Variants in DKK2 observed in about 807,000 individuals in gnomAD.
DKK2 encodes dickkopf Wnt signaling pathway inhibitor 2, also known as dickkopf-related protein 2.
Under a neutral mutation model 28.1 loss-of-function variants are expected in DKK2, and 11 were observed. The observed-to-expected ratio is 0.39, with a 90% CI of 0.25 to 0.65. The LOEUF is 0.65. Ranked by LOEUF, DKK2 falls within the 30% of genes least tolerant of loss-of-function variation. DKK2 has a pLI of 0.47. For synonymous variants in DKK2, 135 were observed against 126.5 expected, an observed-to-expected ratio of 1.07 and a Z score of -0.45; for missense variants, 326 against 335.5, an observed-to-expected ratio of 0.97 and a Z score of 0.22.
chr4:106,938,150 A>G lies in DKK2; in HGVS notation c.223-12201T>C, dbSNP rs1402632769. Reference sequence around the variant, plus strand: ...GAACTGAAGGAAATAGAGACACAAAAAACCCTTCAAAAAATTAATGAATCC... The same window carrying G: ...GAACTGAAGGAAATAGAGACACAAAGAACCCTTCAAAAAATTAATGAATCC... On this transcript the variant is annotated intron_variant, in intron 1 of 3. Transcript: ENST00000285311. Among the ~76,000 whole-genome samples, 160 of 148,420 alleles carry G rather than the reference A, an allele frequency of 1.1e-3. 1 individual carries two copies. Among genetic ancestry groups the G allele is most frequent in the Non-Finnish European group, 1.9e-3 (125 of 66,990 alleles).
At chr4:106,956,027 T>C (rs982800023) in intron 1 of DKK2, among the ~76,000 whole-genome samples, 1 of 152,142 alleles carries the variant, frequency 6.6e-6, no homozygotes, top group African/African-American at 2.4e-5. Flanking sequence ...TGTTAACTCA[T>C]CCCTATTTGT....
chr4:106,944,159 T>G (rs966818873), intron 1 of DKK2, among the ~76,000 whole-genome samples: 2 of 152,086 alleles, frequency 1.3e-5, no homozygotes, highest in Non-Finnish European at 2.9e-5. Context: ...CTTGATACAC[T>G]TTAGTCACAG....
chr4:106,966,034 T>A (rs1376541051), intron 1 of DKK2, among the ~76,000 whole-genome samples: 1 of 151,932 alleles, frequency 6.6e-6, no homozygotes, highest in Non-Finnish European at 1.5e-5. Flanking sequence ...TTTGCTATTG[T>A]GAATAGTGCC....
intron 1 of DKK2, among the ~76,000 whole-genome samples, chr4:106,995,879 G>A (rs1220702879): frequency 6.6e-6 from 1 of 152,108 alleles, no homozygotes; most frequent in Non-Finnish European, 1.5e-5. Flanking sequence ...CCAAAGTGCT[G>A]GGATTACAGG....
At chr4:106,992,820 CACTTAAA>C (rs1254320749) in intron 1 of DKK2, among the ~76,000 whole-genome samples, 1 of 152,164 alleles carries the variant, frequency 6.6e-6, no homozygotes, top group African/African-American at 2.4e-5. Flanking sequence ...ACATGGAAAG[CACTTAAA>C]ACAGGGCCTG....
intron 1 of DKK2, among the ~76,000 whole-genome samples, chr4:106,983,638 A>G (rs917563488): frequency 6.6e-5 from 10 of 152,210 alleles, no homozygotes; most frequent in Non-Finnish European, 1.5e-4. Flanking sequence ...AACTTTTGCT[A>G]TGTGAAAGAC....
chr4:107,006,513 T>C (rs1723440540), intron 1 of DKK2, among the ~76,000 whole-genome samples: 1 of 152,210 alleles, frequency 6.6e-6, no homozygotes, highest in South Asian at 2.1e-4. Context: ...TTTGTCTGGG[T>C]TGAATTTCTA....
In DKK2 at chr4:106,970,848, G is replaced by A. The variant is rs79952709; in HGVS notation, c.223-44899C>T. Among the ~76,000 whole-genome samples the A allele has an allele frequency of 2.2e-3, 328 of 152,204 alleles. 2 individuals are homozygous for A. Among genetic ancestry groups the A allele is most frequent in the African/African-American group, 7.6e-3 (314 of 41,542 alleles). On this transcript the variant is annotated intron_variant, in intron 1 of 3. Coordinates refer to ENST00000285311, the MANE Select transcript of DKK2 (RefSeq NM_014421.3). ...GGTCAGTTTCAATTCACATTTGAAA[G>A]TGTTTCTTAAGAAATCTTGCTATTA... is the stretch of plus-strand genomic sequence containing the variant.
intron 1 of DKK2, among the ~76,000 whole-genome samples, chr4:106,939,704 A>G (rs1724662469): frequency 6.6e-6 from 1 of 152,208 alleles, no homozygotes; most frequent in Admixed American, 6.5e-5. Context: ...CCTGACTTCA[A>G]ACTATACTAC....
At chr4:106,951,105 A>T (rs1380245388) in intron 1 of DKK2, among the ~76,000 whole-genome samples, 1 of 152,152 alleles carries the variant, frequency 6.6e-6, no homozygotes, top group Non-Finnish European at 1.5e-5. Flanking sequence ...GTGTACAAAC[A>T]TATCAAATTT....
At chr4:106,962,491 ATGTGTGTGTGTGTGTGTGTGTGTGTGTG>A (rs59831895) in intron 1 of DKK2, among the ~76,000 whole-genome samples, 2,510 of 117,698 alleles carry the variant, frequency 0.021, 75 homozygotes, top group African/African-American at 0.068. Flanking sequence ...CAGAAAAACT[ATGTGTGTGTGTGTGTGTGTGTGTGTGTG>A]TGTGTGTGTG....
At chr4:106,928,095 G>A (rs751891881) in intron 1 of DKK2, among the ~76,000 whole-genome samples, 36 of 151,960 alleles carry the variant, frequency 2.4e-4, no homozygotes, top group Non-Finnish European at 4.0e-4. Flanking sequence ...TGTGAATGGC[G>A]CATCACCATC....
At chr4:106,996,609 C>T (rs2110363472) in intron 1 of DKK2, among the ~76,000 whole-genome samples, 1 of 152,284 alleles carries the variant, frequency 6.6e-6, no homozygotes, top group Middle Eastern at 3.4e-3. Flanking sequence ...GGGATGGAGA[C>T]AGATTTCCAT....
At chr4:107,032,803 C>T (rs948159013) in intron 1 of DKK2, among the ~76,000 whole-genome samples, 8 of 152,200 alleles carry the variant, frequency 5.3e-5, no homozygotes, top group African/African-American at 1.9e-4. Context: ...ACATTAATTC[C>T]AATATTTTCA....
In DKK2 at chr4:106,928,565, A is replaced by G. The variant is rs1724455985; in HGVS notation, c.223-2616T>C. Among the ~76,000 whole-genome samples, 2 of 152,168 alleles carry G rather than the reference A, an allele frequency of 1.3e-5. 1 individual carries two copies. Among genetic ancestry groups the G allele is most frequent in the South Asian group, 4.1e-4 (2 of 4,832 alleles). On this transcript the variant is annotated intron_variant, in intron 1 of 3. Coordinates refer to ENST00000285311, the MANE Select transcript of DKK2 (RefSeq NM_014421.3). Reference sequence around the variant, plus strand: ...ATAAACAGTCTTTATATATGAATACAATCAAGAAGGGATGAAATAAATTGA... The same window carrying G: ...ATAAACAGTCTTTATATATGAATACGATCAAGAAGGGATGAAATAAATTGA...
intron 1 of DKK2, among the ~76,000 whole-genome samples, chr4:106,997,606 A>G (rs1340006716): frequency 1.3e-5 from 2 of 152,246 alleles, no homozygotes; most frequent in East Asian, 3.9e-4. Flanking sequence ...CTTCCTTGCA[A>G]TTTCATCCAA....
chr4:106,984,863 C>T (rs1237906459), intron 1 of DKK2, among the ~76,000 whole-genome samples: 2 of 152,176 alleles, frequency 1.3e-5, no homozygotes, highest in Non-Finnish European at 2.9e-5. Flanking sequence ...TTGATACACA[C>T]AACAGCCTGT....
At position 106,970,297 on chromosome 4, in the gene DKK2, T is replaced by G. The variant is rs767567719; in HGVS notation, c.223-44348A>C. Among the ~76,000 whole-genome samples the G allele has an allele frequency of 5.4e-4, 82 of 152,108 alleles. 1 individual carries two copies. The highest frequency in any genetic ancestry group is 1.6e-4 in the Non-Finnish European group (11 of 67,998). ...ATAAGCACTGCAGAAACTTTTTGAA[T>G]GCACACATAACATCAAACCTGCAAT... On this transcript the variant is annotated intron_variant, in intron 1 of 3. Coordinates refer to ENST00000285311, the MANE Select transcript of DKK2 (RefSeq NM_014421.3).
intron 1 of DKK2, among the ~76,000 whole-genome samples, chr4:106,976,450 T>C (rs909117172): frequency 6.6e-5 from 10 of 152,236 alleles, no homozygotes; most frequent in Non-Finnish European, 1.0e-4. Context: ...ATATTTAGGA[T>C]AGTTAGCTCT....
Sources: allele counts gnomAD v4.1 joint callset (sites outside exome capture counted in the v4.1 genomes callset), GRCh38; gene constraint gnomAD v4.1.1; transcripts MANE v1.5; gene names NCBI Gene and HGNC (gene_info 2026-07-23, HGNC 2026-07-21).